Variants in ANAPC10 observed in about 807,000 individuals in gnomAD.
ANAPC10 encodes anaphase promoting complex subunit 10.
ANAPC10 carries 12 observed loss-of-function variants against 22.0 expected under a neutral mutation model. That is an observed-to-expected ratio of 0.55 (90% confidence interval 0.35 to 0.88). The LOEUF is 0.88. Ranked by LOEUF, ANAPC10 falls within the 40% of genes least tolerant of loss-of-function variation. The pLI is 0.01. For missense variants in ANAPC10, 188 were observed against 220.9 expected (o/e 0.85, Z 0.94); for synonymous variants, 65 against 69.5 (o/e 0.94, Z 0.32).
At chr4:145,013,237 A>G (rs1167242870) in intron 4 of ANAPC10, among the ~76,000 whole-genome samples, 2 of 152,198 alleles carry the variant, frequency 1.3e-5, no homozygotes, top group Admixed American at 6.5e-5. Context: ...TAAGGATAGT[A>G]TAAGAAAGAA....
At chr4:145,029,727 C>T (rs539619584) in intron 4 of ANAPC10, among the ~76,000 whole-genome samples, 1 of 152,214 alleles carries the variant, frequency 6.6e-6, no homozygotes, top group African/African-American at 2.4e-5. Flanking sequence ...TACCTGATCT[C>T]CCTTTGTTTA....
chr4:145,041,008 A>G (rs1560863187), intron 4 of ANAPC10, among the ~76,000 whole-genome samples: 2 of 151,954 alleles, frequency 1.3e-5, no homozygotes, highest in African/African-American at 4.8e-5. Flanking sequence ...TCCAATATAC[A>G]CCTCCAGTTA....
chr4:145,029,952 TCAA>T (rs1737313266), intron 4 of ANAPC10, among the ~76,000 whole-genome samples: 1 of 152,130 alleles, frequency 6.6e-6, no homozygotes, highest in African/African-American at 2.4e-5. Flanking sequence ...CCACGGTCAC[TCAA>T]CTACAAAATT....
At chr4:145,098,075 A>G (rs1748870652) in intron 1 of ANAPC10, 45 bp downstream of exon 1, 1 of 153,346 alleles carries the variant, frequency 6.5e-6, no homozygotes, top group Non-Finnish European at 1.5e-5. Flanking sequence ...GCATCTGTTT[A>G]CGCTAGGACC....
At chr4:145,039,080 T>A (rs1739102629) in intron 4 of ANAPC10, among the ~76,000 whole-genome samples, 1 of 95,124 alleles carries the variant, frequency 1.1e-5, no homozygotes, top group African/African-American at 5.0e-5. Flanking sequence ...AGGCAACAAA[T>A]TCAACAGATA....
chr4:145,006,432 T>A (rs1289119741), intron 4 of ANAPC10, among the ~76,000 whole-genome samples: 1 of 151,944 alleles, frequency 6.6e-6, no homozygotes, highest in African/African-American at 2.4e-5. Context: ...AAATAAGGAA[T>A]AAGAAAGGAA....
At chr4:145,084,004 T>C (rs1746485764) in intron 2 of ANAPC10, among the ~76,000 whole-genome samples, 1 of 152,078 alleles carries the variant, frequency 6.6e-6, no homozygotes, top group Non-Finnish European at 1.5e-5. Flanking sequence ...AGGGTCTTGC[T>C]CTGACACACA....
intron 4 of ANAPC10, among the ~76,000 whole-genome samples, chr4:145,043,943 T>C (rs1331394158): frequency 1.3e-5 from 2 of 152,086 alleles, no homozygotes; most frequent in African/African-American, 2.4e-5. Context: ...ATATATTGCT[T>C]TGGGAAGTTC....
At chr4:145,058,259 G>GCTA (rs1193770030) in intron 4 of ANAPC10, among the ~76,000 whole-genome samples, 1 of 152,094 alleles carries the variant, frequency 6.6e-6, no homozygotes, top group Non-Finnish European at 1.5e-5. Context: ...ACTATACCAT[G>GCTA]CTACTGTGCT....
intron 4 of ANAPC10, among the ~76,000 whole-genome samples, chr4:145,055,502 G>C (rs930643306): frequency 2.4e-4 from 36 of 151,996 alleles, no homozygotes; most frequent in Non-Finnish European, 4.4e-4. Context: ...AGGTTGTAGT[G>C]AGCCAATATC....
chr4:145,091,607 T>G (rs1053444654), intron 2 of ANAPC10, among the ~76,000 whole-genome samples: 13 of 152,130 alleles, frequency 8.5e-5, no homozygotes, highest in Admixed American at 4.6e-4. Context: ...CTGATGGGCG[T>G]TTGGGTTGAT....
chr4:145,083,953 C>G (rs1396452053), intron 2 of ANAPC10, among the ~76,000 whole-genome samples: 3 of 151,860 alleles, frequency 2.0e-5, no homozygotes, highest in African/African-American at 7.3e-5. Flanking sequence ...ATTCATAACA[C>G]TTTTACTATT....
intron 4 of ANAPC10, among the ~76,000 whole-genome samples, chr4:145,004,116 T>C (rs980263502): frequency 6.6e-5 from 10 of 152,168 alleles, no homozygotes; most frequent in African/African-American, 2.2e-4. Flanking sequence ...TGAATAGAAC[T>C]GCATTCTTGA....
At chr4:145,030,816 G>A (rs1335763671) in intron 4 of ANAPC10, among the ~76,000 whole-genome samples, 1 of 152,206 alleles carries the variant, frequency 6.6e-6, no homozygotes, top group Non-Finnish European at 1.5e-5. Flanking sequence ...TGGAGGGGTT[G>A]CAAAGATTAG....
chr4:145,097,290 AT>A (rs1553991604), intron 1 of ANAPC10: 4 of 368,366 alleles, frequency 1.1e-5, no homozygotes, highest in Non-Finnish European at 2.1e-5. Flanking sequence ...TGGCTTCAAG[AT>A]TTTGAAGTGA....
At chr4:145,008,377 C>A (rs1474449784) in intron 4 of ANAPC10, among the ~76,000 whole-genome samples, 1 of 152,058 alleles carries the variant, frequency 6.6e-6, no homozygotes, top group Non-Finnish European at 1.5e-5. Flanking sequence ...GGCACAGACA[C>A]AACAAGAAAA....
chr4:145,091,879 C>T (rs1747729704), intron 2 of ANAPC10, among the ~76,000 whole-genome samples: 1 of 152,048 alleles, frequency 6.6e-6, no homozygotes, highest in Non-Finnish European at 1.5e-5. Flanking sequence ...TTTGCAGGGA[C>T]TTGGACAAAA....
intron 3 of ANAPC10, among the ~76,000 whole-genome samples, chr4:145,065,278 T>C (rs1743515422): frequency 6.6e-6 from 1 of 151,668 alleles, no homozygotes. Context: ...AAACACATAA[T>C]AGAAAACGAA....
intron 4 of ANAPC10, chr4:145,033,156 C>A (rs182210152): frequency 6.6e-6 from 1 of 152,244 alleles, no homozygotes; most frequent in East Asian, 1.9e-4. Context: ...GGGCAAAGTT[C>A]TCCAGAAGGC....
Sources: gnomAD v4.1 joint callset for allele counts (sites outside exome capture counted in the v4.1 genomes callset) on GRCh38, gnomAD v4.1.1 for gene constraint, MANE v1.5 for transcripts, NCBI Gene and HGNC (gene_info 2026-07-23, HGNC 2026-07-21) for gene names.